ITPR2: variants seen among roughly 807,000 people sequenced by gnomAD.
ITPR2 encodes inositol 1,4,5-trisphosphate-gated calcium channel ITPR2.
In ITPR2, 207 loss-of-function variants were observed where a neutral mutation model predicts 317.1. The ratio of observed to expected loss-of-function variants is 0.65; its 90% CI spans 0.58 to 0.73. The LOEUF (loss-of-function observed/expected upper bound fraction) is 0.73. ITPR2 is among the 30% of genes least tolerant of loss of function. ITPR2 has a pLI of 0.00. For synonymous variants in ITPR2, 1,156 were observed against 1,149.1 expected (o/e 1.01, Z -0.12); for missense variants, 2,613 against 3,284.0 (o/e 0.80, Z 4.99).
intron 32 of ITPR2, 28 bp from the exon 33 acceptor site, chr12:26,580,183 T>C: frequency 1.9e-6 from 3 of 1,599,020 alleles, no homozygotes; most frequent in Non-Finnish European, 8.5e-7. Context: ...CAACTCAATA[T>C]GTTTTATCAC....
chr12:26,606,146 G>A (rs1946123282), intron 26 of ITPR2, among the ~76,000 whole-genome samples: 1 of 151,028 alleles, frequency 6.6e-6, no homozygotes, highest in Non-Finnish European at 1.5e-5. Context: ...AGTGCAAAAT[G>A]TAGAAGTATG....
chr12:26,780,381 C>T (rs1950056926), intron 2 of ITPR2, among the ~76,000 whole-genome samples: 1 of 152,212 alleles, frequency 6.6e-6, no homozygotes, highest in African/African-American at 2.4e-5. Context: ...GCACGCAATG[C>T]TTCTGCCAAG....
chr12:26,666,135 G>GATAGATAGATAGAT (rs1555173862), intron 13 of ITPR2, 84 bp from the exon 14 acceptor site: 3 of 411,782 alleles, frequency 7.3e-6, no homozygotes, highest in East Asian at 4.1e-5. Flanking sequence ...TAGGTAGGTA[G>GATAGATAGATAGAT]AGATAGATAG....
In ITPR2 at chr12:26,427,861, A is replaced by G. The variant is rs888914353; in HGVS notation, c.6945+52T>C. 5 of 1,191,672 alleles carry G rather than the reference A, an allele frequency of 4.2e-6. No homozygotes were observed. In the Admixed American group the frequency reaches 1.5e-4, roughly 36 times the overall value. 73.8% of individuals were successfully genotyped at this position (1,191,672 alleles called of 1,614,324 possible). A position where few individuals can be genotyped will look rare whatever the true frequency, so the allele number is the denominator to read the frequency against. On this transcript the variant is annotated intron_variant, in intron 49 of 56. Transcript: ENST00000381340. The stretch of plus-strand genomic sequence containing the variant: ...GCTTATAGTTATATTTTTATATTTC[A>G]TACACTTTTAAACTAATTCTGTAAC...
intron 13 of ITPR2, among the ~76,000 whole-genome samples, chr12:26,681,236 A>G (rs1318357349): frequency 2.0e-5 from 3 of 152,206 alleles, no homozygotes; most frequent in Non-Finnish European, 4.4e-5. Context: ...AAACAGGAAT[A>G]CCTATTTCAA....
chr12:26,661,552 T>C (rs1196367577), intron 15 of ITPR2, among the ~76,000 whole-genome samples: 1 of 152,088 alleles, frequency 6.6e-6, no homozygotes, highest in East Asian at 1.9e-4. Context: ...CCAAGTACTC[T>C]TCCAAAGGCT....
intron 2 of ITPR2, among the ~76,000 whole-genome samples, chr12:26,776,777 AC>A (rs1949979227): frequency 6.6e-6 from 1 of 152,162 alleles, no homozygotes; most frequent in Admixed American, 6.6e-5. Flanking sequence ...ACAGGGAAGG[AC>A]CCCTTAGGCA....
intron 55 of ITPR2, among the ~76,000 whole-genome samples, chr12:26,381,593 A>G (rs1272361934): frequency 6.6e-6 from 1 of 152,254 alleles, no homozygotes; most frequent in Non-Finnish European, 1.5e-5. Flanking sequence ...CTTATATTTT[A>G]GTTACGACAG....
At chr12:26,350,890 T>G (rs1565483787) in intron 55 of ITPR2, among the ~76,000 whole-genome samples, 2 of 152,342 alleles carry the variant, frequency 1.3e-5, no homozygotes, top group East Asian at 3.9e-4. Flanking sequence ...GTCTACAGAA[T>G]GCATCAGCTA....
intron 1 of ITPR2, among the ~76,000 whole-genome samples, chr12:26,792,300 C>T (rs1029133576): frequency 1.3e-5 from 2 of 151,664 alleles, no homozygotes; most frequent in African/African-American, 2.4e-5. Flanking sequence ...AGGAAGGAAA[C>T]GACAAGAAGA....
At chr12:26,781,766 G>A (rs974835976) in intron 2 of ITPR2, among the ~76,000 whole-genome samples, 2 of 151,926 alleles carry the variant, frequency 1.3e-5, no homozygotes, top group Admixed American at 1.3e-4. Context: ...GGGAAAGGCT[G>A]ACCTACCCTT....
chr12:26,408,972 T>C (rs968032437), intron 52 of ITPR2, among the ~76,000 whole-genome samples: 1 of 152,200 alleles, frequency 6.6e-6, no homozygotes, highest in Non-Finnish European at 1.5e-5. Flanking sequence ...ATCTGAACTT[T>C]GAGGTGGCCA....
At chr12:26,461,708 A>T (rs1942034471) in intron 45 of ITPR2, among the ~76,000 whole-genome samples, 1 of 149,026 alleles carries the variant, frequency 6.7e-6, no homozygotes, top group African/African-American at 2.5e-5. Flanking sequence ...ACACACACAC[A>T]CACACACACA....
At chr12:26,614,136 A>G (rs2136783005) in intron 26 of ITPR2, among the ~76,000 whole-genome samples, 1 of 152,284 alleles carries the variant, frequency 6.6e-6, no homozygotes, top group Middle Eastern at 3.4e-3. Context: ...ACCTATTTTA[A>G]GTACATTTCT....
intron 5 of ITPR2, among the ~76,000 whole-genome samples, chr12:26,717,607 A>G (rs926078236): frequency 2.6e-5 from 4 of 152,346 alleles, no homozygotes; most frequent in African/African-American, 9.6e-5. Context: ...GAGCAGTATT[A>G]AGTGAAAAGA....
intron 55 of ITPR2, among the ~76,000 whole-genome samples, chr12:26,350,931 C>A (rs879277710): frequency 1.3e-5 from 2 of 152,184 alleles, no homozygotes; most frequent in Non-Finnish European, 2.9e-5. Flanking sequence ...CTGCCCATTC[C>A]CAGCCAACAG....
At position 26,602,639 on chromosome 12, in the gene ITPR2, T is replaced by C. The variant is rs768562888; in HGVS notation, c.3530A>G (p.Asn1177Ser). Reference sequence around the variant, plus strand: ...GACCTCCTTTACAATCCGGTAGTTATTGCTCTTGTTGCTGTCAATCTGAGG... The same window carrying C: ...GACCTCCTTTACAATCCGGTAGTTACTGCTCTTGTTGCTGTCAATCTGAGG... Reference protein sequence around the residue: ...KKPQIDSNKSNNYRIVKEILI... With the variant: ...KKPQIDSNKSSNYRIVKEILI... Residue 1177 changes from asparagine (N) to serine (S), a missense_variant, in exon 27 of 57, where the codon AAT becomes AGT. Physicochemically the swap from Asn to Ser is conservative, Grantham distance 46. Coordinates refer to ENST00000381340, the MANE Select transcript of ITPR2 (RefSeq NM_002223.4). 1.9e-6 allele frequency: 3 copies of C among 1,610,912 alleles called. No individual in the cohort carries two copies. The highest frequency in any genetic ancestry group is 1.1e-5 in the South Asian group (1 of 90,696).
chr12:26,627,945 A>T, intron 23 of ITPR2, 88 bp downstream of exon 23: 1 of 1,239,004 alleles, frequency 8.1e-7, no homozygotes, highest in Non-Finnish European at 1.1e-6. Context: ...AAGCACAAAA[A>T]ATATAATTAT....
At chr12:26,683,596 G>C (rs1948076065) in intron 11 of ITPR2, among the ~76,000 whole-genome samples, 1 of 152,180 alleles carries the variant, frequency 6.6e-6, no homozygotes, top group African/African-American at 2.4e-5. Context: ...TTAAACAGAA[G>C]CACACATAGA....
Sources: gnomAD v4.1 joint callset for allele counts (sites outside exome capture counted in the v4.1 genomes callset) on GRCh38, gnomAD v4.1.1 for gene constraint, MANE v1.5 for transcripts, NCBI Gene and HGNC (gene_info 2026-07-23, HGNC 2026-07-21) for gene names.